Variants in DCPS observed in about 807,000 individuals in gnomAD.
DCPS encodes the protein decapping enzyme, scavenger.
DCPS carries 27 observed loss-of-function variants against 34.7 expected under a neutral mutation model. The ratio of observed to expected loss-of-function variants is 0.78; its 90% CI spans 0.57 to 1.07. DCPS has a LOEUF of 1.07. Ranked by LOEUF, DCPS falls within the 50% of genes least tolerant of loss-of-function variation. DCPS has a pLI of 0.00. For synonymous variants in DCPS, 185 were observed against 185.7 expected (o/e 1.00, Z 0.03); for missense variants, 464 against 436.9 (o/e 1.06, Z -0.55).
rs1013306217 is a variant in DCPS, at chr11:126,336,955, C to G, written c.523-1331C>G. 2.0e-5 allele frequency: 3 copies of G among 152,324 alleles called. No individual in the cohort carries two copies. Among genetic ancestry groups the G allele is most frequent in the African/African-American group, 7.2e-5 (3 of 41,412 alleles). The allele number at this position is 152,324 out of a possible 1,614,324, so 9.4% of individuals were successfully genotyped here. On this transcript the variant is annotated intron_variant, in intron 3 of 5. Coordinates refer to ENST00000263579, the MANE Select transcript of DCPS (RefSeq NM_014026.6). The surrounding 1 kb of genome is among the most constrained non-coding windows in gnomAD (Gnocchi z 6.3). The stretch of plus-strand genomic sequence containing the variant: ...CTGTGGGTAGAGAGTTGCAGGAGAC[C>G]TCGAGGCCCAGCTGCCCTCTCCCCC...
At chr11:126,341,944 A>G (rs1951878827) in intron 4 of DCPS, 1 of 152,264 alleles carries the variant, frequency 6.6e-6, no homozygotes, top group African/African-American at 2.4e-5. Context: ...TGTAAAGACC[A>G]TGGCATAGTT....
intron 1 of DCPS, among the ~76,000 whole-genome samples, chr11:126,305,140 C>G (rs934710440): frequency 6.6e-6 from 1 of 152,106 alleles, no homozygotes; most frequent in Non-Finnish European, 1.5e-5. Context: ...GACGGAGTCT[C>G]TCCTCTCTGT....
In DCPS at chr11:126,348,464, T is replaced by C. The variant is rs1565383208; in HGVS notation, c.*2851T>C. 6.6e-6 allele frequency among the ~76,000 whole-genome samples: 1 copy of C among 152,378 alleles called. No individual in the cohort carries two copies. Among genetic ancestry groups the C allele is most frequent in the South Asian group, 2.1e-4 (1 of 4,830 alleles). ...TCAGAGCCAGCCAGTGCTCTGCTGC[T>C]GTAATCTCCAGGGACCCTGCCGGCC... On this transcript the variant is annotated 3_prime_UTR_variant, in exon 6 of 6. Transcript: ENST00000263579. The surrounding 1 kb of genome is among the most constrained non-coding windows in gnomAD (Gnocchi z 5.3).
In DCPS at chr11:126,304,117, C is replaced by A. The variant is rs201108066; in HGVS notation, c.37C>A (p.Arg13Ser). 1.9e-5 allele frequency: 31 copies of A among 1,613,392 alleles called. No individual in the cohort carries two copies. The highest frequency in any genetic ancestry group is 3.3e-5 in the Admixed American group (2 of 59,874). Residue 13 changes from arginine to serine, a missense_variant, in exon 1 of 6, where the codon CGC becomes AGC. By Grantham distance (110) the Arg-to-Ser change is moderately radical. Transcript: ENST00000263579. ...AGCTCCTCAACTAGGCAAGAGGAAG[C>A]GCGAATTGGACGTGGAGGAGGCCCA... is the stretch of plus-strand genomic sequence containing the variant. ...DAAPQLGKRK[R>S]ELDVEEAHAA...
intron 2 of DCPS, among the ~76,000 whole-genome samples, chr11:126,310,856 T>C (rs1021830344): frequency 6.6e-6 from 1 of 152,242 alleles, no homozygotes; most frequent in African/African-American, 2.4e-5. Flanking sequence ...TGCATGGTTG[T>C]GCCTTTGAGT....
chr11:126,321,594 G>A (rs866847352), intron 2 of DCPS, among the ~76,000 whole-genome samples: 4 of 152,244 alleles, frequency 2.6e-5, no homozygotes, highest in African/African-American at 9.6e-5. Context: ...TGACCACAGC[G>A]ACACCCACAG....
In DCPS at chr11:126,329,964, A is replaced by C. The variant is rs1223098323; in HGVS notation, c.377-1441A>C. Among the ~76,000 whole-genome samples the C allele has an allele frequency of 1.3e-5, 2 of 152,148 alleles. No individual in the cohort carries two copies. Among genetic ancestry groups the C allele is most frequent in the East Asian group, 1.9e-4 (1 of 5,198 alleles). On this transcript the variant is annotated intron_variant, in intron 2 of 5. Coordinates refer to ENST00000263579, the MANE Select transcript of DCPS (RefSeq NM_014026.6). This position sits in a 1 kb window ranked among gnomAD's most constrained non-coding sequence, Gnocchi z 5.0. ...GGGAACCATGGGTCTTTTGAGAAAG[A>C]TCCAAGCTGATTTGGAAATACCCCT...
At position 126,349,008 on chromosome 11, in the gene DCPS, A is replaced by G. The variant is rs920715680; in HGVS notation, c.*3395A>G. ...CAGAACCTAGGGTGGTGACTCACCT[A>G]TAAGTGCTCAAAAAACATGTGGCGA... On this transcript the variant is annotated 3_prime_UTR_variant, in exon 6 of 6. Coordinates refer to ENST00000263579, the MANE Select transcript of DCPS (RefSeq NM_014026.6). The surrounding 1 kb of genome is among the most constrained non-coding windows in gnomAD (Gnocchi z 5.4). Among the ~76,000 whole-genome samples, 2 of 152,184 alleles carry G rather than the reference A, an allele frequency of 1.3e-5. No individual in the cohort carries two copies. Among genetic ancestry groups the G allele is most frequent in the South Asian group, 2.1e-4 (1 of 4,826 alleles).
Position 126,337,818 on chromosome 11 carries a change from C to T in DCPS, c.523-468C>T, listed in dbSNP as rs1238544406. 2 of 159,452 alleles carry T rather than the reference C, an allele frequency of 1.3e-5. No homozygotes were observed. The highest frequency in any genetic ancestry group is 2.4e-5 in the African/African-American group (1 of 41,572). The allele number at this position is 159,452 out of a possible 1,614,324, so 9.9% of individuals were successfully genotyped here. On this transcript the variant is annotated intron_variant, in intron 3 of 5. Transcript: ENST00000263579. This position sits in a 1 kb window ranked among gnomAD's most constrained non-coding sequence, Gnocchi z 5.3. ...TCACTGCTCTGGTGGGTAGCTGGCC[C>T]CTCCACAGAAGGAAACCGTGGTGCC...
In DCPS at chr11:126,338,531, G is replaced by A. The variant is rs1951853014; in HGVS notation, c.636+132G>A. 6 of 804,214 alleles carry A rather than the reference G, an allele frequency of 7.5e-6. No homozygotes were observed. The highest frequency in any genetic ancestry group is 2.2e-5 in the Admixed American group (1 of 46,210). The allele number at this position is 804,214 out of a possible 1,614,324, so 49.8% of individuals were successfully genotyped here. On this transcript the variant is annotated intron_variant, in intron 4 of 5. Coordinates refer to ENST00000263579, the MANE Select transcript of DCPS (RefSeq NM_014026.6). The surrounding 1 kb of genome is among the most constrained non-coding windows in gnomAD (Gnocchi z 5.4). ...AATTAACCAACAAGGGTTGGCCTGAGCTCTCTGTGGGGACTGGGTGGATAC... is the reference window on the plus strand; with the variant it reads ...AATTAACCAACAAGGGTTGGCCTGAACTCTCTGTGGGGACTGGGTGGATAC...
rs113221311 is a variant in DCPS, at chr11:126,304,890, G to T, written c.201+609G>T. ...CAATACCAACGTGCTCAGCAATCTG[G>T]CAGGGGCTGAGGAGAGATGGAGACC... On this transcript the variant is annotated intron_variant, in intron 1 of 5. Transcript: ENST00000263579. Among the ~76,000 whole-genome samples, 1,001 of 152,282 alleles carry T rather than the reference G, an allele frequency of 6.6e-3. 14 individuals carry two copies. Among genetic ancestry groups the T allele is most frequent in the African/African-American group, 0.023 (956 of 41,560 alleles).
At chr11:126,314,760 T>C (rs1200413539) in intron 2 of DCPS, among the ~76,000 whole-genome samples, 1 of 152,128 alleles carries the variant, frequency 6.6e-6, no homozygotes, top group Non-Finnish European at 1.5e-5. Flanking sequence ...AAACATTGTA[T>C]GTTCTCACTC....
chr11:126,330,719 A>ATATATT (rs1951781709), intron 2 of DCPS, among the ~76,000 whole-genome samples: 3 of 18,872 alleles, frequency 1.6e-4, no homozygotes, highest in African/African-American at 4.3e-4. Context: ...ATATATATAT[A>ATATATT]TTTTTTTTTT....
Position 126,345,716 on chromosome 11 carries a change from C to G in DCPS, c.*103C>G. The G allele has an allele frequency of 6.6e-7, 1 of 1,507,306 alleles. No individual in the cohort carries two copies. The highest frequency in any genetic ancestry group is 8.9e-7 in the Non-Finnish European group (1 of 1,123,412). The allele number at this position is 1,507,306 out of a possible 1,614,324, so 93.4% of individuals were successfully genotyped here. ...TTTCTAAAAATGTATTTTATACCGG[C>G]TTATTCCTAGTATTGAATAAACTAG... On this transcript the variant is annotated 3_prime_UTR_variant, in exon 6 of 6. Transcript: ENST00000263579. The surrounding 1 kb of genome is among the most constrained non-coding windows in gnomAD (Gnocchi z 7.4).
intron 1 of DCPS, 80 bp downstream of exon 1, chr11:126,304,361 G>A (rs1951546148): frequency 1.3e-6 from 2 of 1,513,762 alleles, no homozygotes; most frequent in African/African-American, 2.7e-5. Context: ...TTTTTTTTCG[G>A]ATCTCGGCTG....
rs1305031091 is a variant in DCPS at position 126,329,431 on chromosome 11, A to G, written c.377-1974A>G. 6.6e-6 allele frequency among the ~76,000 whole-genome samples: 1 copy of G among 152,240 alleles called. No individual in the cohort carries two copies. Among genetic ancestry groups the G allele is most frequent in the African/African-American group, 2.4e-5 (1 of 41,472 alleles). On this transcript the variant is annotated intron_variant, in intron 2 of 5. Coordinates refer to ENST00000263579, the MANE Select transcript of DCPS (RefSeq NM_014026.6). The surrounding 1 kb of genome is among the most constrained non-coding windows in gnomAD (Gnocchi z 5.0). ...CCAAGGCTCTAAGACGTTAAGCCCCATGCCCAAGGGTACACAGCCAGTATG... is the reference window on the plus strand; with the variant it reads ...CCAAGGCTCTAAGACGTTAAGCCCCGTGCCCAAGGGTACACAGCCAGTATG...
intron 2 of DCPS, among the ~76,000 whole-genome samples, chr11:126,324,932 C>T (rs558697665): frequency 1.5e-4 from 23 of 152,222 alleles, no homozygotes; most frequent in African/African-American, 5.5e-4. Flanking sequence ...ACCTATATCC[C>T]AGAATTTTGG....
chr11:126,345,363 G>A lies in DCPS; in HGVS notation c.764G>A (p.Arg255His), dbSNP rs757018526. 25 of 1,613,904 alleles carry A rather than the reference G, an allele frequency of 1.5e-5. No homozygotes were observed. Among genetic ancestry groups the A allele is most frequent in the Middle Eastern group, 1.6e-4 (1 of 6,082 alleles). ...LHQGQEAILQ[R>H]YRMKGDHLRV... Reference sequence around the variant, plus strand: ...TCTCATCAGGAGGCCATCCTGCAGCGCTACCGGATGAAGGGAGACCATCTG... The same window carrying A: ...TCTCATCAGGAGGCCATCCTGCAGCACTACCGGATGAAGGGAGACCATCTG... Residue 255 changes from arginine to histidine, a missense_variant, in exon 6 of 6, where the codon CGC becomes CAC. Coordinates refer to ENST00000263579, the MANE Select transcript of DCPS (RefSeq NM_014026.6). The surrounding 1 kb of genome is among the most constrained non-coding windows in gnomAD (Gnocchi z 7.4).
rs1462594024 is a variant in DCPS, at chr11:126,315,192, T to G, written c.376+8448T>G. Among the ~76,000 whole-genome samples the G allele has an allele frequency of 1.3e-5, 2 of 152,000 alleles. No individual in the cohort carries two copies. The highest frequency in any genetic ancestry group is 2.4e-5 in the African/African-American group (1 of 41,298). ...TGAAATAGTCTCTATGCCAAACCCC[T>G]GCGAGACAATTTACCTGTAAACAAA... On this transcript the variant is annotated intron_variant, in intron 2 of 5. Transcript: ENST00000263579. The surrounding 1 kb of genome is among the most constrained non-coding windows in gnomAD (Gnocchi z 6.1).
Sources: gnomAD v4.1 joint callset for allele counts (sites outside exome capture counted in the v4.1 genomes callset) on GRCh38, gnomAD v4.1.1 for gene constraint, Gnocchi (gnomAD v3.1) non-coding constraint, MANE v1.5 for transcripts, NCBI Gene and HGNC (gene_info 2026-07-23, HGNC 2026-07-21) for gene names.